Variants in CDC14A observed in about 807,000 individuals in gnomAD.
CDC14A encodes the protein cell division cycle 14A.
In CDC14A, 53 loss-of-function variants were observed where a neutral mutation model predicts 74.4. The ratio of observed to expected loss-of-function variants is 0.71; its 90% CI spans 0.57 to 0.89. The LOEUF (loss-of-function observed/expected upper bound fraction) is 0.89, where lower values mean the gene tolerates loss of function less well. Among genes scored for constraint, CDC14A ranks in the 40% least tolerant of loss-of-function variants. CDC14A has a pLI of 0.00. For missense variants in CDC14A, 646 were observed against 713.7 expected, an observed-to-expected ratio of 0.91 and a Z score of 1.08; for synonymous variants, 247 against 258.4, an observed-to-expected ratio of 0.96 and a Z score of 0.43.
chr1:100,412,715 T>A (rs1660927988), intron 4 of CDC14A, among the ~76,000 whole-genome samples: 1 of 104,670 alleles, frequency 9.6e-6, no homozygotes, highest in Non-Finnish European at 1.7e-5. Context: ...TATATATATA[T>A]ATATATATTT....
intron 10 of CDC14A, among the ~76,000 whole-genome samples, chr1:100,474,050 A>T (rs1668651063): frequency 6.6e-6 from 1 of 152,134 alleles, no homozygotes; most frequent in Non-Finnish European, 1.5e-5. Context: ...GAGGGTTCTT[A>T]TCATGAATGA....
Position 100,384,757 on chromosome 1 carries a change from C to T in CDC14A, c.217-5975C>T, listed in dbSNP as rs552358315. On this transcript the variant is annotated intron_variant, in intron 3 of 15. Transcript: ENST00000336454. ...AAAAATTTTAATTCATAGTCAACAT[C>T]TGCAGTTTATGAAAGCTTCAATTTT... Among the ~76,000 whole-genome samples, 439 of 152,338 alleles carry T rather than the reference C, an allele frequency of 2.9e-3. 3 individuals are homozygous for T. Among genetic ancestry groups the T allele is most frequent in the African/African-American group, 0.01 (425 of 41,584 alleles).
chr1:100,391,283 A>G (rs1234212681), intron 4 of CDC14A, among the ~76,000 whole-genome samples: 1 of 151,766 alleles, frequency 6.6e-6, no homozygotes, highest in Non-Finnish European at 1.5e-5. Flanking sequence ...AATTTATACA[A>G]TTGTTTGCAG....
chr1:100,400,923 A>T (rs1445532315), intron 4 of CDC14A, among the ~76,000 whole-genome samples: 1 of 151,996 alleles, frequency 6.6e-6, no homozygotes, highest in Non-Finnish European at 1.5e-5. Context: ...TTGTGTTGTA[A>T]ATAAGCTCTC....
chr1:100,351,695 A>C, upstream of CDC14A: 1 of 1,496,970 alleles, frequency 6.7e-7, no homozygotes, highest in South Asian at 1.2e-5. Context: ...TGTAAAGATT[A>C]GGCATCTGTG....
upstream of CDC14A, among the ~76,000 whole-genome samples, chr1:100,348,271 G>C (rs1650607384): frequency 8.1e-6 from 1 of 122,704 alleles, no homozygotes; most frequent in Non-Finnish European, 1.6e-5. Flanking sequence ...AACAGAGCAA[G>C]ACTCCATTTC....
chr1:100,476,308 C>G (rs1293852090), intron 10 of CDC14A, among the ~76,000 whole-genome samples: 1 of 152,166 alleles, frequency 6.6e-6, no homozygotes, highest in Admixed American at 6.5e-5. Context: ...CAAAAATCAG[C>G]TGGGCATGGT....
intron 4 of CDC14A, among the ~76,000 whole-genome samples, chr1:100,410,172 A>G (rs1485615968): frequency 6.6e-6 from 1 of 151,832 alleles, no homozygotes; most frequent in African/African-American, 2.4e-5. Flanking sequence ...TGATTGTGCT[A>G]CTGCACTCCA....
At chr1:100,410,210 T>TAA (rs879569475) in intron 4 of CDC14A, among the ~76,000 whole-genome samples, 2 of 136,190 alleles carry the variant, frequency 1.5e-5, no homozygotes, top group East Asian at 2.1e-4. Flanking sequence ...AGACTCTGGC[T>TAA]AAAAAAAAAA....
At chr1:100,424,512 T>A (rs1031902545) in intron 5 of CDC14A, among the ~76,000 whole-genome samples, 1 of 152,234 alleles carries the variant, frequency 6.6e-6, no homozygotes, top group African/African-American at 2.4e-5. Flanking sequence ...GAATTTATTT[T>A]TTTCTTTGAA....
At chr1:100,491,566 A>AT (rs1670667031) in intron 11 of CDC14A, among the ~76,000 whole-genome samples, 13 of 80,808 alleles carry the variant, frequency 1.6e-4, no homozygotes, top group African/African-American at 4.7e-4. Flanking sequence ...ATATATATAT[A>AT]TATATATTTT....
chr1:100,378,359 T>C (rs1193128741), intron 3 of CDC14A, among the ~76,000 whole-genome samples: 1 of 152,240 alleles, frequency 6.6e-6, no homozygotes, highest in Non-Finnish European at 1.5e-5. Flanking sequence ...TGAAGATCTT[T>C]ACTATTTCAG....
intron 2 of CDC14A, among the ~76,000 whole-genome samples, chr1:100,376,056 T>C (rs560867018): frequency 3.9e-4 from 59 of 151,492 alleles, no homozygotes; most frequent in African/African-American, 1.3e-3. Context: ...GGACAAAAAA[T>C]CAAACACCGC....
At chr1:100,430,172 A>G (rs1663486090) in intron 5 of CDC14A, among the ~76,000 whole-genome samples, 1 of 152,198 alleles carries the variant, frequency 6.6e-6, no homozygotes, top group South Asian at 2.1e-4. Flanking sequence ...TTAAAATAAT[A>G]TGCTAGCATT....
At chr1:100,468,571 GA>G (rs1175246269) in intron 10 of CDC14A, among the ~76,000 whole-genome samples, 2 of 152,066 alleles carry the variant, frequency 1.3e-5, no homozygotes, top group African/African-American at 4.8e-5. Context: ...TACCACAGAA[GA>G]AAAAAGGAGG....
intron 11 of CDC14A, among the ~76,000 whole-genome samples, chr1:100,486,889 T>C (rs1204471887): frequency 6.6e-6 from 1 of 152,234 alleles, no homozygotes; most frequent in African/African-American, 2.4e-5. Flanking sequence ...ACAAGCACTT[T>C]TCTTTCCATG....
At chr1:100,390,250 C>T (rs981351806) in intron 3 of CDC14A, among the ~76,000 whole-genome samples, 7 of 152,048 alleles carry the variant, frequency 4.6e-5, no homozygotes, top group African/African-American at 1.4e-4. Flanking sequence ...TATATAACAT[C>T]CCAGAAATAA....
In CDC14A at chr1:100,518,662, A is replaced by G. The variant is rs41287270; in HGVS notation, c.*382A>G. On this transcript the variant is annotated 3_prime_UTR_variant, in exon 16 of 16. Coordinates refer to ENST00000336454, the MANE Select transcript of CDC14A (RefSeq NM_003672.4). ...TTTGATAAATTTATAAATATATAAA[A>G]TTATGTAAAAACTACACTATATTTT... 5.9e-4 allele frequency: 91 copies of G among 153,398 alleles called. No homozygotes were observed. Among genetic ancestry groups the G allele is most frequent in the Non-Finnish European group, 1.2e-3 (81 of 68,480 alleles). The allele number at this position is 153,398 out of a possible 1,614,324, so 9.5% of individuals were successfully genotyped here. A position where few individuals can be genotyped will look rare whatever the true frequency, so the allele number is the denominator to read the frequency against.
chr1:100,347,074 G>C (rs1035229867), intron 1 of CDC14A, among the ~76,000 whole-genome samples: 2 of 152,174 alleles, frequency 1.3e-5, no homozygotes, highest in Non-Finnish European at 2.9e-5. Flanking sequence ...GAAGAAAATA[G>C]TTCTAGATAT....
Sources: gnomAD v4.1 joint callset for allele counts (sites outside exome capture counted in the v4.1 genomes callset) on GRCh38, gnomAD v4.1.1 for gene constraint, MANE v1.5 for transcripts, NCBI Gene and HGNC (gene_info 2026-07-23, HGNC 2026-07-21) for gene names.